MOCOS: variants seen among roughly 807,000 people sequenced by gnomAD.
MOCOS encodes molybdenum cofactor sulfurase, also known as human molybdenum cofactor sulfurase.
A neutral mutation model predicts 83.6 loss-of-function variants in MOCOS; 86 were observed. The ratio of observed to expected loss-of-function variants is 1.03; its 90% CI spans 0.86 to 1.23. The LOEUF (loss-of-function observed/expected upper bound fraction) is 1.23. Among genes scored for constraint, MOCOS ranks in the 50% most tolerant of loss-of-function variants. MOCOS has a pLI of 0.00. For missense variants in MOCOS, 1,120 were observed against 1,126.9 expected (o/e 0.99, Z 0.09); for synonymous variants, 445 against 434.7 (o/e 1.02, Z -0.29).
intron 11 of MOCOS, among the ~76,000 whole-genome samples, chr18:36,254,980 C>T (rs2091636534): frequency 6.6e-6 from 1 of 152,162 alleles, no homozygotes; most frequent in Non-Finnish European, 1.5e-5. Context: ...CTCACCTTGG[C>T]CTCCCAAAGT....
At position 36,268,584 on chromosome 18, in the gene MOCOS, T is replaced by A; in HGVS notation, c.2566T>A (p.Cys856Ser). ...TGCATCATTGGATTTATCCTCCCCA[T>A]GTTTCCTGTCTGTAGGATCTCAGGT... ...MHASLDLSSP[C>S]FLSVGSQVLP... The change falls in exon 15 of 15, where the codon TGT becomes AGT. Residue 856 changes from cysteine to serine, a missense_variant. Cys to Ser is a moderately radical substitution (Grantham distance 112, BLOSUM62 -1). Transcript: ENST00000261326. 2 of 1,614,190 alleles carry A rather than the reference T, an allele frequency of 1.2e-6. No homozygotes were observed. Among genetic ancestry groups the A allele is most frequent in the South Asian group, 2.2e-5 (2 of 91,078 alleles).
At chr18:36,264,254 C>T (rs527791115) in intron 13 of MOCOS, among the ~76,000 whole-genome samples, 75 of 152,270 alleles carry the variant, frequency 4.9e-4, no homozygotes, top group Non-Finnish European at 9.4e-4. Context: ...AGAAACTGTT[C>T]TAAGAGGGCC....
intron 6 of MOCOS, 69 bp downstream of exon 6, chr18:36,205,345 G>A: frequency 6.8e-7 from 1 of 1,477,022 alleles, no homozygotes; most frequent in Non-Finnish European, 9.4e-7. Context: ...GCAATGTAGT[G>A]TGACAAAGTC....
chr18:36,212,684 C>T (rs924571278), intron 6 of MOCOS, among the ~76,000 whole-genome samples: 16 of 152,318 alleles, frequency 1.1e-4, no homozygotes, highest in African/African-American at 3.6e-4. Context: ...CGTTGCCCAG[C>T]CAAGATCCCT....
intron 1 of MOCOS, among the ~76,000 whole-genome samples, chr18:36,189,356 A>T (rs551508661): frequency 6.6e-6 from 1 of 152,288 alleles, no homozygotes; most frequent in Non-Finnish European, 1.5e-5. Flanking sequence ...CATTACGGTT[A>T]AAGCAGACAT....
At chr18:36,238,320 G>T (rs1176270510) in intron 9 of MOCOS, among the ~76,000 whole-genome samples, 36 of 150,662 alleles carry the variant, frequency 2.4e-4, no homozygotes, top group Non-Finnish European at 4.6e-4. Flanking sequence ...TCCCAGAGAT[G>T]CTGGTATGTT....
chr18:36,244,281 C>T (rs1432097740), intron 9 of MOCOS, among the ~76,000 whole-genome samples: 1 of 152,060 alleles, frequency 6.6e-6, no homozygotes, highest in African/African-American at 2.4e-5. Context: ...TTCCTTTTAG[C>T]AGTACTTTTG....
intron 10 of MOCOS, among the ~76,000 whole-genome samples, chr18:36,250,360 T>C (rs114308573): frequency 2.0e-5 from 3 of 152,126 alleles, no homozygotes; most frequent in African/African-American, 7.2e-5. Context: ...AGGCAGGAAA[T>C]GGTATGTTAA....
At chr18:36,235,201 A>C (rs2091553391) in intron 9 of MOCOS, among the ~76,000 whole-genome samples, 1 of 148,970 alleles carries the variant, frequency 6.7e-6, no homozygotes, top group African/African-American at 2.5e-5. Flanking sequence ...TTACATACGT[A>C]TACATGTGCC....
chr18:36,191,607 C>T (rs989283696), intron 1 of MOCOS, among the ~76,000 whole-genome samples: 1 of 152,186 alleles, frequency 6.6e-6, no homozygotes, highest in Non-Finnish European at 1.5e-5. Flanking sequence ...CCATGCCTGG[C>T]TATTTATTTC....
intron 1 of MOCOS, among the ~76,000 whole-genome samples, chr18:36,191,559 T>C (rs1438095603): frequency 6.6e-6 from 1 of 152,236 alleles, no homozygotes; most frequent in Non-Finnish European, 1.5e-5. Context: ...TCCTCTTGCC[T>C]CAGCCTCCCA....
intron 2 of MOCOS, 145 bp from the exon 3 acceptor site, chr18:36,198,545 G>A: frequency 1.3e-6 from 1 of 791,084 alleles, no homozygotes. Flanking sequence ...ATTTTTGAGG[G>A]ATAGAAATCT....
intron 8 of MOCOS, 96 bp from the exon 9 acceptor site, chr18:36,219,959 C>A: frequency 1.4e-6 from 2 of 1,478,860 alleles, no homozygotes; most frequent in Non-Finnish European, 1.9e-6. Context: ...GTGCTGAATT[C>A]ATGAAGTCTA....
rs538929282 is a variant in MOCOS, at chr18:36,259,647, A to G, written c.2271-390A>G. ...AGTGCTTCTTAGGTCTTTGATCATT[A>G]AGCCTGTTGACAGGTTTTTAAATGC... is the stretch of plus-strand genomic sequence containing the variant. On this transcript the variant is annotated intron_variant, in intron 12 of 14. Transcript: ENST00000261326. 1.3e-5 allele frequency among the ~76,000 whole-genome samples: 2 copies of G among 151,928 alleles called. 1 individual carries two copies. Among genetic ancestry groups the G allele is most frequent in the South Asian group, 4.2e-4 (2 of 4,810 alleles).
chr18:36,220,341 A>C (rs1239832116), intron 9 of MOCOS, 124 bp downstream of exon 9: 7 of 1,199,630 alleles, frequency 5.8e-6, no homozygotes, highest in East Asian at 2.6e-5. Context: ...CCTCATCTCT[A>C]CAAAAAAAAA....
chr18:36,198,596 GC>G (rs1438439256), intron 2 of MOCOS, 93 bp from the exon 3 acceptor site: 6 of 1,266,558 alleles, frequency 4.7e-6, no homozygotes, highest in Non-Finnish European at 6.9e-6. Flanking sequence ...TTTATGTTGA[GC>G]TTTTTGAGAA....
At chr18:36,194,257 T>C (rs1008574839) in intron 1 of MOCOS, among the ~76,000 whole-genome samples, 34 of 152,344 alleles carry the variant, frequency 2.2e-4, no homozygotes, top group African/African-American at 7.0e-4. Flanking sequence ...AATTGTATAC[T>C]TTAAGAGAGT....
rs76486529 is a variant in MOCOS, at chr18:36,215,719, A to G, written c.1539A>G (p.Ala513=). The G allele has an allele frequency of 5.7e-4, 920 of 1,614,204 alleles. 8 individuals are homozygous for G. The African/African-American group carries it at 0.011, about 19-fold the overall frequency. ...CCGGGGAGACTGGAGCCCCATCAGC[A>G]GACAGCCAGGCTGATGTTATACCTG... ...ADTGETGAPS[A]DSQADVIPAV... is the part of the protein sequence containing the mutation. The change falls in exon 8 of 15, where the codon GCA becomes GCG. Residue 513 remains alanine (A), a synonymous_variant. Coordinates refer to ENST00000261326, the MANE Select transcript of MOCOS (RefSeq NM_017947.4).
chr18:36,261,421 T>A (rs2091663075), intron 13 of MOCOS, among the ~76,000 whole-genome samples: 1 of 152,150 alleles, frequency 6.6e-6, no homozygotes, highest in Non-Finnish European at 1.5e-5. Context: ...GCATATTGGA[T>A]AAGGAATACT....
Sources: allele counts gnomAD v4.1 joint callset (sites outside exome capture counted in the v4.1 genomes callset), GRCh38; gene constraint gnomAD v4.1.1; transcripts MANE v1.5; gene names NCBI Gene and HGNC (gene_info 2026-07-23, HGNC 2026-07-21).